Variants in NCOA2 observed in about 807,000 individuals in gnomAD.
NCOA2 encodes class E basic helix-loop-helix protein 75.
A neutral mutation model predicts 145.1 loss-of-function variants in NCOA2; 21 were observed. The observed-to-expected ratio is 0.14, with a 90% CI of 0.10 to 0.21. The LOEUF is 0.21. NCOA2 is among the 10% of genes least tolerant of loss of function. The probability of loss-of-function intolerance (pLI) is 1.00; values close to 1 mark genes in which losing one functional copy is unlikely to be tolerated. For synonymous variants in NCOA2, 619 were observed against 637.5 expected (o/e 0.97, Z 0.44); for missense variants, 1,472 against 1,837.6 (o/e 0.80, Z 3.64).
the NCOA2 span, among the ~76,000 whole-genome samples, chr8:70,426,437 G>T: frequency 1.3e-5 from 2 of 152,120 alleles, no homozygotes; most frequent in Admixed American, 6.5e-5. Context: ...TTGTACTGAA[G>T]AAATCAATTC....
At chr8:70,413,073 G>A in the NCOA2 span, among the ~76,000 whole-genome samples, 1 of 149,802 alleles carries the variant, frequency 6.7e-6, no homozygotes, top group Admixed American at 6.6e-5. Context: ...GCTCCAGCCT[G>A]GGCGACAGAG....
chr8:70,310,284 C>A (rs920926364), intron 1 of NCOA2, among the ~76,000 whole-genome samples: 1 of 141,006 alleles, frequency 7.1e-6, no homozygotes, highest in Non-Finnish European at 1.5e-5. Context: ...GCAGAGGTTG[C>A]AGTGAGCCAA....
At chr8:70,256,744 A>G (rs1427342324) in intron 2 of NCOA2, among the ~76,000 whole-genome samples, 1 of 152,156 alleles carries the variant, frequency 6.6e-6, no homozygotes, top group Non-Finnish European at 1.5e-5. Flanking sequence ...AAACTGTGGC[A>G]CAGAAAAGTC....
chr8:70,253,970 C>CA (rs1224358260), intron 2 of NCOA2, among the ~76,000 whole-genome samples: 5 of 151,976 alleles, frequency 3.3e-5, no homozygotes, highest in Non-Finnish European at 5.9e-5. Context: ...CATGGACAGG[C>CA]AAAAAAACTG....
At chr8:70,452,462 T>C in the NCOA2 span, among the ~76,000 whole-genome samples, 34 of 152,210 alleles carry the variant, frequency 2.2e-4, no homozygotes, top group African/African-American at 7.7e-4. Flanking sequence ...GTGGCTCCTG[T>C]TGTGTGATTC....
chr8:70,187,703 T>C (rs912410079), intron 4 of NCOA2, among the ~76,000 whole-genome samples: 1 of 152,214 alleles, frequency 6.6e-6, no homozygotes, highest in Non-Finnish European at 1.5e-5. Context: ...ATTAAGTTAC[T>C]CCCTATCAAA....
At position 70,133,200 on chromosome 8, in the gene NCOA2, CTTT is replaced by C. The variant is rs57813061; in HGVS notation, c.3159-1201_3159-1199del. Among the ~76,000 whole-genome samples, 482 of 106,958 alleles carry C rather than the reference CTTT, an allele frequency of 4.5e-3. 14 individuals carry two copies. Among genetic ancestry groups the C allele is most frequent in the African/African-American group, 0.018 (450 of 24,860 alleles). 70.2% of individuals were successfully genotyped at this position (106,958 alleles called of 152,430 possible). A position where few individuals can be genotyped will look rare whatever the true frequency, so the allele number is the denominator to read the frequency against. ...TGTGTGCCACCACAACTGGCTGCTA[CTTT>C]TTTTTTTTTTTTTTTTTGGTAAAGA... On this transcript the variant is annotated intron_variant, in intron 15 of 22. Transcript: ENST00000452400.
chr8:70,216,541 T>C, intron 3 of NCOA2, 119 bp downstream of exon 3: 1 of 794,998 alleles, frequency 1.3e-6, no homozygotes, highest in Non-Finnish European at 2.2e-6. Flanking sequence ...ATTTAACTGT[T>C]AAGGAGAAAA....
chr8:70,373,818 T>TA (rs1427551775), intron 1 of NCOA2, among the ~76,000 whole-genome samples: 2 of 152,222 alleles, frequency 1.3e-5, no homozygotes, highest in African/African-American at 4.8e-5. Flanking sequence ...ATTGACCGTA[T>TA]AACGTGGGTC....
chr8:70,136,102 G>A (rs114493746), intron 15 of NCOA2, among the ~76,000 whole-genome samples: 2,998 of 152,192 alleles, frequency 0.02, 123 homozygotes, highest in African/African-American at 0.068. Flanking sequence ...GGCTGGGCGC[G>A]GTGGCTCACA....
At chr8:70,402,785 C>T (rs1215174596) in intron 1 of NCOA2, among the ~76,000 whole-genome samples, 2 of 151,386 alleles carry the variant, frequency 1.3e-5, no homozygotes, top group East Asian at 3.9e-4. Flanking sequence ...CCGCCCCCGG[C>T]CCCGGCCCCA....
the NCOA2 span, among the ~76,000 whole-genome samples, chr8:70,415,652 C>A: frequency 2.0e-5 from 3 of 152,152 alleles, no homozygotes; most frequent in African/African-American, 7.2e-5. Context: ...CTCTACAGCC[C>A]ATATGGCTCT....
intron 1 of NCOA2, among the ~76,000 whole-genome samples, chr8:70,377,369 AGAAAAG>A (rs1398978296): frequency 2.6e-5 from 4 of 152,064 alleles, no homozygotes; most frequent in African/African-American, 9.7e-5. Context: ...CAAAATAATT[AGAAAAG>A]GAATAGTACC....
At chr8:70,389,569 C>A (rs1326442162) in intron 1 of NCOA2, among the ~76,000 whole-genome samples, 1 of 151,956 alleles carries the variant, frequency 6.6e-6, no homozygotes, top group African/African-American at 2.4e-5. Flanking sequence ...CATGAGCCAC[C>A]ATGCCTGGCC....
At chr8:70,155,878 A>T (rs764542099) in intron 11 of NCOA2, 93 bp downstream of exon 11, 1 of 995,938 alleles carries the variant, frequency 1.0e-6, no homozygotes, top group Non-Finnish European at 1.4e-6. Flanking sequence ...GCTTATTTTT[A>T]TCCAATCACC....
chr8:70,290,095 C>T (rs1204537458), intron 2 of NCOA2, among the ~76,000 whole-genome samples: 2 of 151,640 alleles, frequency 1.3e-5, no homozygotes, highest in Admixed American at 1.3e-4. Context: ...AAATGCTACC[C>T]CTACGTATAC....
intron 1 of NCOA2, among the ~76,000 whole-genome samples, chr8:70,390,734 C>T (rs1025148417): frequency 1.3e-5 from 2 of 152,096 alleles, no homozygotes; most frequent in African/African-American, 4.8e-5. Context: ...TGCCACTGTA[C>T]CCCAGCCTGG....
At chr8:70,257,046 C>G (rs1823694468) in intron 2 of NCOA2, among the ~76,000 whole-genome samples, 1 of 152,120 alleles carries the variant, frequency 6.6e-6, no homozygotes, top group South Asian at 2.1e-4. Flanking sequence ...CCTCAACAGC[C>G]CTATGACAGA....
At chr8:70,412,354 T>G in the NCOA2 span, among the ~76,000 whole-genome samples, 1 of 151,128 alleles carries the variant, frequency 6.6e-6, no homozygotes, top group African/African-American at 2.4e-5. Flanking sequence ...AGTCTATTTG[T>G]TTAGTTTTAG....
Sources: gnomAD v4.1 joint callset for allele counts (sites outside exome capture counted in the v4.1 genomes callset) on GRCh38, gnomAD v4.1.1 for gene constraint, MANE v1.5 for transcripts, NCBI Gene and HGNC (gene_info 2026-07-23, HGNC 2026-07-21) for gene names.